Variants in GLIS3 observed in about 807,000 individuals in gnomAD.
The protein encoded by GLIS3 is GLIS family zinc finger 3.
In GLIS3, 53 loss-of-function variants were observed where a neutral mutation model predicts 78.6. The observed-to-expected ratio is 0.67, with a 90% CI of 0.54 to 0.85. The LOEUF is 0.85. Ranked by LOEUF, GLIS3 falls within the 40% of genes least tolerant of loss-of-function variation. The probability of loss-of-function intolerance (pLI) is 0.00; values close to 1 mark genes in which losing one functional copy is unlikely to be tolerated. For missense variants in GLIS3, 1,703 were observed against 1,231.1 expected, an observed-to-expected ratio of 1.38 and a Z score of -5.74; for synonymous variants, 684 against 509.9, an observed-to-expected ratio of 1.34 and a Z score of -4.60.
chr9:4,099,799 T>C (rs1282074794), intron 4 of GLIS3, among the ~76,000 whole-genome samples: 2 of 152,258 alleles, frequency 1.3e-5, no homozygotes, highest in Admixed American at 6.5e-5. Context: ...ATTGTACTCA[T>C]ACCTCACCTC....
chr9:4,274,096 G>T (rs1826769738), intron 2 of GLIS3, among the ~76,000 whole-genome samples: 1 of 152,134 alleles, frequency 6.6e-6, no homozygotes, highest in South Asian at 2.1e-4. Flanking sequence ...CCTTCCAGAT[G>T]AGGAAACTGA....
the GLIS3 span, among the ~76,000 whole-genome samples, chr9:4,389,319 A>C: frequency 1.3e-5 from 2 of 152,158 alleles, no homozygotes; most frequent in African/African-American, 4.8e-5. Flanking sequence ...TAATTCATGA[A>C]TATCTCTTCC....
intron 4 of GLIS3, among the ~76,000 whole-genome samples, chr9:3,957,843 A>G (rs903858340): frequency 2.6e-5 from 4 of 152,232 alleles, no homozygotes; most frequent in Admixed American, 6.5e-5. Flanking sequence ...AACACCGTAG[A>G]TATTGCAAGG....
chr9:4,436,888 G>C, the GLIS3 span, among the ~76,000 whole-genome samples: 1 of 146,816 alleles, frequency 6.8e-6, no homozygotes, highest in African/African-American at 2.5e-5. Flanking sequence ...AATTATTTAA[G>C]TTTTGTGATG....
At chr9:4,425,093 C>G in the GLIS3 span, among the ~76,000 whole-genome samples, 363 of 152,068 alleles carry the variant, frequency 2.4e-3, 2 homozygotes, top group African/African-American at 8.5e-3. Context: ...TGAAGCAGCC[C>G]CCGAAGTTTA....
chr9:4,360,291 G>C, the GLIS3 span, among the ~76,000 whole-genome samples: 1 of 152,140 alleles, frequency 6.6e-6, no homozygotes, highest in East Asian at 1.9e-4. Flanking sequence ...AGCAACAAAA[G>C]AGCATGCGAC....
chr9:4,250,649 G>C (rs1046245455), intron 2 of GLIS3, among the ~76,000 whole-genome samples: 1 of 152,104 alleles, frequency 6.6e-6, no homozygotes, highest in African/African-American at 2.4e-5. Flanking sequence ...CTTGTCTGCT[G>C]CTAGTTTTTG....
At chr9:4,123,891 C>A in intron 3 of GLIS3, 1 of 397,412 alleles carries the variant, frequency 2.5e-6, no homozygotes, top group Non-Finnish European at 4.4e-6. Flanking sequence ...ATACATTTTG[C>A]AGCTTTTCAT....
chr9:4,372,070 G>C, the GLIS3 span, among the ~76,000 whole-genome samples: 1 of 152,116 alleles, frequency 6.6e-6, no homozygotes, highest in African/African-American at 2.4e-5. Flanking sequence ...TTATTTTGAA[G>C]ATATGACTGA....
At chr9:4,416,365 C>T in the GLIS3 span, among the ~76,000 whole-genome samples, 2 of 149,676 alleles carry the variant, frequency 1.3e-5, no homozygotes, top group South Asian at 4.3e-4. Context: ...TTTAAAACCT[C>T]TCTTACTGTT....
chr9:3,948,240 C>T (rs1816429669), intron 4 of GLIS3, among the ~76,000 whole-genome samples: 1 of 152,214 alleles, frequency 6.6e-6, no homozygotes, highest in African/African-American at 2.4e-5. Flanking sequence ...TCAGAAAACC[C>T]TTCATTCTTT....
chr9:4,302,008 G>A (rs193276794), upstream of GLIS3, among the ~76,000 whole-genome samples: 6 of 146,520 alleles, frequency 4.1e-5, no homozygotes, highest in African/African-American at 1.5e-4. Flanking sequence ...TTTTTTTTCT[G>A]GCCAAGAATG....
In GLIS3 at chr9:3,828,363, A is replaced by G; in HGVS notation, c.2702T>C (p.Leu901Pro). The G allele has an allele frequency of 6.2e-7, 1 of 1,613,864 alleles. No individual in the cohort carries two copies. Among genetic ancestry groups the G allele is most frequent in the Non-Finnish European group, 8.5e-7 (1 of 1,180,022 alleles). ...SSSSSLFGES[L>P]RSGAEDATFL... ...GGTAGCATCTTCAGCCCCGCTGCGG[A>G]GAGACTCCCCAAAGAGGCTCGAGGA... is the stretch of plus-strand genomic sequence containing the variant. The change falls in exon 11 of 11, where the codon CTC (leucine) becomes CCC (proline). Residue 901 changes from leucine (L) to proline (P), a missense_variant. Leu to Pro is a moderately conservative substitution (Grantham distance 98). Coordinates refer to ENST00000381971, the MANE Select transcript of GLIS3 (RefSeq NM_001042413.2).
In GLIS3 at chr9:4,117,667, C is replaced by G; in HGVS notation, c.1710+101G>C. 14 of 1,316,734 alleles carry G rather than the reference C, an allele frequency of 1.1e-5. 1 individual carries two copies. The South Asian group carries it at 1.5e-4, about 14-fold the overall frequency. 81.6% of individuals were successfully genotyped at this position (1,316,734 alleles called of 1,614,324 possible). A position where few individuals can be genotyped will look rare whatever the true frequency, so the allele number is the denominator to read the frequency against. On this transcript the variant is annotated intron_variant, in intron 4 of 10. Transcript: ENST00000381971. ...CCCCATCTCATGGATACCTAGACCCCCACGCATGCAAACTCCATGGGCCGA... is the reference window on the plus strand; with the variant it reads ...CCCCATCTCATGGATACCTAGACCCGCACGCATGCAAACTCCATGGGCCGA...
chr9:4,454,255 T>G, the GLIS3 span, among the ~76,000 whole-genome samples: 274 of 152,098 alleles, frequency 1.8e-3, 1 homozygote, highest in Admixed American at 3.7e-3. Context: ...TCCTCCTGCC[T>G]TGGCCTTCCA....
At chr9:3,986,616 T>C (rs12000528) in intron 4 of GLIS3, among the ~76,000 whole-genome samples, 3,817 of 152,342 alleles carry the variant, frequency 0.025, 67 homozygotes, top group African/African-American at 0.046. Context: ...GCAGGGGCAC[T>C]GGCAGGGAAA....
chr9:4,468,440 G>C, the GLIS3 span, among the ~76,000 whole-genome samples: 1 of 152,220 alleles, frequency 6.6e-6, no homozygotes. Context: ...AGATCTCTTG[G>C]CAGAAACTCT....
At chr9:3,969,666 C>G (rs555876160) in intron 4 of GLIS3, among the ~76,000 whole-genome samples, 1 of 152,164 alleles carries the variant, frequency 6.6e-6, no homozygotes, top group African/African-American at 2.4e-5. Flanking sequence ...CTTTTCCCAA[C>G]CAAATACAGC....
At chr9:4,063,928 AAAG>A (rs1444549247) in intron 4 of GLIS3, among the ~76,000 whole-genome samples, 4 of 152,218 alleles carry the variant, frequency 2.6e-5, no homozygotes, top group African/African-American at 9.6e-5. Context: ...AATCATAAGT[AAAG>A]AAGAACAGAT....
Sources: allele counts gnomAD v4.1 joint callset (sites outside exome capture counted in the v4.1 genomes callset), GRCh38; gene constraint gnomAD v4.1.1; transcripts MANE v1.5; gene names NCBI Gene and HGNC (gene_info 2026-07-23, HGNC 2026-07-21).